Variants in DLGAP2 observed in about 807,000 individuals in gnomAD.
DLGAP2 encodes disks large-associated protein 2.
In DLGAP2, 26 loss-of-function variants were observed where a neutral mutation model predicts 100.3. The ratio of observed to expected loss-of-function variants is 0.26; its 90% confidence interval spans 0.19 to 0.36. The LOEUF (loss-of-function observed/expected upper bound fraction) is 0.36. Ranked by LOEUF, DLGAP2 falls within the 10% of genes least tolerant of loss-of-function variation. DLGAP2 has a pLI of 1.00. For synonymous variants in DLGAP2, 886 were observed against 630.1 expected, an observed-to-expected ratio of 1.41 and a Z score of -6.08; for missense variants, 1,858 against 1,453.2, an observed-to-expected ratio of 1.28 and a Z score of -4.53.
chr8:1,193,912 C>A (rs996715375), intron 2 of DLGAP2, among the ~76,000 whole-genome samples: 2 of 152,162 alleles, frequency 1.3e-5, no homozygotes, highest in Admixed American at 6.5e-5. Flanking sequence ...CCAGGAGGAG[C>A]CGCTGGAGGG....
At chr8:952,292 G>A (rs764190220) in intron 2 of DLGAP2, among the ~76,000 whole-genome samples, 1 of 152,168 alleles carries the variant, frequency 6.6e-6, no homozygotes, top group Non-Finnish European at 1.5e-5. Flanking sequence ...ATTACTAAGG[G>A]CCAACAATTC....
chr8:832,405 G>C (rs1015333890), intron 1 of DLGAP2, among the ~76,000 whole-genome samples: 1 of 152,218 alleles, frequency 6.6e-6, no homozygotes, highest in African/African-American at 2.4e-5. Flanking sequence ...GTGTAAGGAA[G>C]TGATCCAGTT....
chr8:1,423,821 C>T (rs914062157), intron 3 of DLGAP2, among the ~76,000 whole-genome samples: 4 of 152,176 alleles, frequency 2.6e-5, no homozygotes, highest in South Asian at 2.1e-4. Context: ...AGGAGAAATT[C>T]GAGCAGGTTA....
At chr8:1,352,563 A>G (rs985082901) in intron 3 of DLGAP2, among the ~76,000 whole-genome samples, 11 of 152,178 alleles carry the variant, frequency 7.2e-5, no homozygotes, top group African/African-American at 2.4e-4. Context: ...ATATCATTTT[A>G]ATTCATCCAA....
intron 2 of DLGAP2, among the ~76,000 whole-genome samples, chr8:1,203,055 A>G (rs1797913746): frequency 6.6e-6 from 1 of 152,144 alleles, no homozygotes; most frequent in Admixed American, 6.5e-5. Flanking sequence ...CGGTTCCGTA[A>G]GCTGCTCTCC....
Position 1,161,800 on chromosome 8 carries a change from G to T in DLGAP2, c.74-97051G>T, listed in dbSNP as rs994142768. On this transcript the variant is annotated intron_variant, in intron 2 of 14. Transcript: ENST00000637795. ...GCACCCACGGGGCTCCTGGAGGCCT[G>T]CTGGGGATAGACAGAGGCCACATTG... 3.3e-5 allele frequency among the ~76,000 whole-genome samples: 5 copies of T among 151,856 alleles called. No individual in the cohort carries two copies. In the East Asian group the frequency reaches 9.6e-4, roughly 29 times the overall value.
intron 3 of DLGAP2, among the ~76,000 whole-genome samples, chr8:1,282,301 C>T (rs1799834180): frequency 1.4e-5 from 2 of 145,676 alleles, no homozygotes; most frequent in African/African-American, 5.1e-5. Flanking sequence ...GAACCCAGCG[C>T]CCTGAACCAT....
At chr8:1,000,159 C>T (rs1007895929) in intron 2 of DLGAP2, among the ~76,000 whole-genome samples, 1 of 150,892 alleles carries the variant, frequency 6.6e-6, no homozygotes, top group Non-Finnish European at 1.5e-5. Flanking sequence ...ACTGGATTTT[C>T]TCTAGAGCAG....
intron 1 of DLGAP2, among the ~76,000 whole-genome samples, chr8:744,044 G>C (rs537130418): frequency 6.6e-6 from 1 of 152,338 alleles, no homozygotes; most frequent in East Asian, 1.9e-4. Context: ...TAAATGCCCA[G>C]ACACCTGTTT....
chr8:1,568,287 C>CA lies in DLGAP2; in HGVS notation c.1442+2393_1442+2394insA, dbSNP rs528789591. Among the ~76,000 whole-genome samples the CA allele has an allele frequency of 4.4e-3, 245 of 56,100 alleles. 17 individuals carry two copies. The highest frequency in any genetic ancestry group is 5.0e-3 in the African/African-American group (64 of 12,818). 36.8% of individuals were successfully genotyped at this position (56,100 alleles called of 152,430 possible). On this transcript the variant is annotated intron_variant, in intron 6 of 14. Transcript: ENST00000637795. ...ACTGTCCACTCAGCAGACACAAATCCGTCTTTGCCTGTGGCCTCCATGCCA... is the reference window on the plus strand; with the variant it reads ...ACTGTCCACTCAGCAGACACAAATCCAGTCTTTGCCTGTGGCCTCCATGCCA...
intron 1 of DLGAP2, among the ~76,000 whole-genome samples, chr8:793,954 T>C (rs995986896): frequency 6.6e-6 from 1 of 152,158 alleles, no homozygotes; most frequent in African/African-American, 2.4e-5. Flanking sequence ...GCCATACGAC[T>C]CCAGGCATCT....
At chr8:1,196,075 G>C (rs7009856) in intron 2 of DLGAP2, among the ~76,000 whole-genome samples, 58,694 of 152,112 alleles carry the variant, frequency 0.39, 11,410 homozygotes, top group Middle Eastern at 0.54. Context: ...AACCTGGAAA[G>C]CTGTGTCATA....
chr8:1,547,631 T>A (rs927691589), intron 4 of DLGAP2, among the ~76,000 whole-genome samples: 2 of 152,216 alleles, frequency 1.3e-5, no homozygotes, highest in Admixed American at 6.5e-5. Flanking sequence ...CCAGCCGCCT[T>A]CCCAGGGAGA....
At chr8:1,429,681 T>TGAGCCTGCAGCAGGCAC in intron 3 of DLGAP2, among the ~76,000 whole-genome samples, 1 of 151,860 alleles carries the variant, frequency 6.6e-6, no homozygotes, top group Non-Finnish European at 1.5e-5. Context: ...CCAGCAGGGA[T>TGAGCCTGCAGCAGGCAC]GAGCCTGCAG....
chr8:1,313,022 G>T (rs1800648268), intron 3 of DLGAP2, among the ~76,000 whole-genome samples: 1 of 152,238 alleles, frequency 6.6e-6, no homozygotes, highest in African/African-American at 2.4e-5. Context: ...GTTTTATGAG[G>T]TCAGGACTGA....
chr8:845,496 A>G (rs996076377), intron 1 of DLGAP2, among the ~76,000 whole-genome samples: 9 of 152,128 alleles, frequency 5.9e-5, no homozygotes, highest in Non-Finnish European at 1.3e-4. Context: ...TCCTTTGCCC[A>G]TTTTAAACTA....
At chr8:1,455,944 C>T (rs527547715) in intron 3 of DLGAP2, among the ~76,000 whole-genome samples, 12 of 152,194 alleles carry the variant, frequency 7.9e-5, no homozygotes, top group African/African-American at 2.9e-4. Flanking sequence ...GGATCCGAGG[C>T]CCCCAGCATG....
At chr8:802,309 A>T (rs1026650052) in intron 1 of DLGAP2, among the ~76,000 whole-genome samples, 2 of 96,054 alleles carry the variant, frequency 2.1e-5, no homozygotes, top group South Asian at 3.9e-4. Flanking sequence ...GTCCTCTGTC[A>T]TCACGGCCTG....
intron 1 of DLGAP2, among the ~76,000 whole-genome samples, chr8:770,910 GA>G (rs145622840): frequency 1.3e-5 from 2 of 151,412 alleles, no homozygotes; most frequent in African/African-American, 4.9e-5. Flanking sequence ...CTTAGGGATG[GA>G]AAAAATTTTT....
Sources: allele counts gnomAD v4.1 joint callset (sites outside exome capture counted in the v4.1 genomes callset), GRCh38; gene constraint gnomAD v4.1.1; transcripts MANE v1.5; gene names NCBI Gene and HGNC (gene_info 2026-07-23, HGNC 2026-07-21).